The following BCL9 variants were observed in gnomAD, a reference collection of about 807,000 sequenced individuals.
BCL9 encodes BCL9 transcription coactivator.
A neutral mutation model predicts 88.5 loss-of-function variants in BCL9; 25 were observed. The ratio of observed to expected loss-of-function variants is 0.28; its 90% confidence interval spans 0.21 to 0.39. BCL9 has a LOEUF of 0.39. Ranked by LOEUF, BCL9 falls within the 10% of genes least tolerant of loss-of-function variation. The probability of loss-of-function intolerance (pLI) is 1.00; values close to 1 mark genes in which losing one functional copy is unlikely to be tolerated. For missense variants in BCL9, 1,817 were observed against 1,877.8 expected (o/e 0.97, Z 0.60); for synonymous variants, 711 against 673.3 (o/e 1.06, Z -0.87).
intron 1 of BCL9, among the ~76,000 whole-genome samples, chr1:147,592,458 G>C (rs960377334): frequency 3.3e-5 from 5 of 152,138 alleles, no homozygotes; most frequent in Admixed American, 6.5e-5. Context: ...CCTCAGTGCA[G>C]TTAGCAGTTA....
rs782551138 is a variant in BCL9, at chr1:147,626,129, G to A, written c.*1170G>A. On this transcript the variant is annotated 3_prime_UTR_variant, in exon 10 of 10. Coordinates refer to ENST00000234739, the MANE Select transcript of BCL9 (RefSeq NM_004326.4). Reference sequence around the variant, plus strand: ...TTCCTCCCCCTCCCATGCGTAAGACGTTCTGTGTAACCTCCATTAAATTTG... The same window carrying A: ...TTCCTCCCCCTCCCATGCGTAAGACATTCTGTGTAACCTCCATTAAATTTG... The A allele has an allele frequency of 9.5e-6, 2 of 210,294 alleles. No individual in the cohort carries two copies. Among genetic ancestry groups the A allele is most frequent in the Non-Finnish European group, 9.7e-6 (1 of 103,438 alleles). 13.0% of individuals were successfully genotyped at this position (210,294 alleles called of 1,614,324 possible). A position where few individuals can be genotyped will look rare whatever the true frequency, so the allele number is the denominator to read the frequency against.
intron 1 of BCL9, among the ~76,000 whole-genome samples, chr1:147,572,102 C>T (rs1291322908): frequency 6.7e-6 from 1 of 150,108 alleles, no homozygotes; most frequent in South Asian, 2.1e-4. Flanking sequence ...ATTAGCTGGA[C>T]GTGGTGGCGG....
chr1:147,575,192 G>T (rs1342285709), intron 1 of BCL9, among the ~76,000 whole-genome samples: 1 of 152,180 alleles, frequency 6.6e-6, no homozygotes, highest in Non-Finnish European at 1.5e-5. Context: ...AGGACCTGAA[G>T]ATGAGGGAGT....
At chr1:147,585,878 G>A (rs1437959200) in intron 1 of BCL9, among the ~76,000 whole-genome samples, 1 of 152,080 alleles carries the variant, frequency 6.6e-6, no homozygotes, top group Non-Finnish European at 1.5e-5. Context: ...GCTCCTAAGA[G>A]GAGAAGGGAC....
intron 1 of BCL9, among the ~76,000 whole-genome samples, chr1:147,573,898 A>G (rs1553197790): frequency 6.6e-6 from 1 of 152,136 alleles, no homozygotes; most frequent in African/African-American, 2.4e-5. Context: ...ATTATGCCAC[A>G]AAAGAGTAGC....
intron 1 of BCL9, among the ~76,000 whole-genome samples, chr1:147,561,366 A>G (rs782086778): frequency 6.6e-6 from 1 of 152,034 alleles, no homozygotes; most frequent in Non-Finnish European, 1.5e-5. Flanking sequence ...ATTTTCAGCA[A>G]CTCCCAAGTG....
rs1658529121 is a variant in BCL9 at position 147,620,052 on chromosome 1, C to A, written c.1897C>A (p.Gln633Lys). 1 of 1,614,180 alleles carries A rather than the reference C, an allele frequency of 6.2e-7. No homozygotes were observed. The highest frequency in any genetic ancestry group is 8.5e-7 in the Non-Finnish European group (1 of 1,180,032). The change falls in exon 8 of 10, where the codon CAG becomes AAG. Residue 633 changes from glutamine (Q) to lysine (K), a missense_variant. This residue lies in a region of BCL9 where 1,228 missense variants were observed against 1,191.6 expected (regional missense o/e 1.03). Transcript: ENST00000234739. The stretch of plus-strand genomic sequence containing the variant: ...CCAAGGATTGTCTGAAGAGATGTTT[C>A]AGCAGCAGCTGGCAGAGAAACAGCT... Reference protein sequence around the residue: ...NPQGLSEEMFQQQLAEKQLGL... With the variant: ...NPQGLSEEMFKQQLAEKQLGL...
At chr1:147,616,232 T>C (rs1180145274) in intron 7 of BCL9, among the ~76,000 whole-genome samples, 6 of 152,108 alleles carry the variant, frequency 3.9e-5, no homozygotes, top group Non-Finnish European at 8.8e-5. Context: ...TTTTTAAAAA[T>C]AACACTCTTG....
At chr1:147,586,776 A>C (rs782041038) in intron 1 of BCL9, among the ~76,000 whole-genome samples, 9 of 152,038 alleles carry the variant, frequency 5.9e-5, no homozygotes, top group Non-Finnish European at 1.0e-4. Context: ...CACCTGTAGA[A>C]ATTTTTCTCA....
intron 1 of BCL9, among the ~76,000 whole-genome samples, chr1:147,574,454 C>A (rs1656022202): frequency 6.6e-6 from 1 of 152,186 alleles, no homozygotes; most frequent in Admixed American, 6.5e-5. Flanking sequence ...CATCTGTGCA[C>A]CTCCATGTCA....
rs1553202655 is a variant in BCL9 at position 147,611,908 on chromosome 1, C to T, written c.53+19C>T. On this transcript the variant is annotated intron_variant, in intron 4 of 9. Coordinates refer to ENST00000234739, the MANE Select transcript of BCL9 (RefSeq NM_004326.4). ...CACAGAGGTAAGGGCTGGGCTGGGG[C>T]CTCTTCCTGCAGCCCCTTGGGGATG... 1 of 1,611,102 alleles carries T rather than the reference C, an allele frequency of 6.2e-7. No individual in the cohort carries two copies. The highest frequency in any genetic ancestry group is 1.7e-5 in the Admixed American group (1 of 60,000).
chr1:147,584,926 T>C (rs1656533538), intron 1 of BCL9, among the ~76,000 whole-genome samples: 1 of 151,786 alleles, frequency 6.6e-6, no homozygotes, highest in African/African-American at 2.4e-5. Context: ...ACCTCGGAGG[T>C]TGGAGGTTTT....
chr1:147,614,818 A>G (rs782807016), intron 6 of BCL9, among the ~76,000 whole-genome samples: 3 of 150,626 alleles, frequency 2.0e-5, no homozygotes, highest in Non-Finnish European at 2.9e-5. Context: ...TCGTGCTTGT[A>G]CAAATATACA....
At chr1:147,617,177 G>A (rs1553203975) in intron 7 of BCL9, among the ~76,000 whole-genome samples, 1 of 152,132 alleles carries the variant, frequency 6.6e-6, no homozygotes, top group East Asian at 1.9e-4. Context: ...TTATTGTCCT[G>A]GAATGAATAT....
chr1:147,571,513 C>T (rs1460251982), intron 1 of BCL9, among the ~76,000 whole-genome samples: 9 of 152,158 alleles, frequency 5.9e-5, no homozygotes, highest in Non-Finnish European at 1.0e-4. Flanking sequence ...GGGAGGAGCT[C>T]AATGAACTGG....
Position 147,624,522 on chromosome 1 carries a change from C to G in BCL9, c.3844C>G (p.Pro1282Ala), listed in dbSNP as rs1553206145. The G allele has an allele frequency of 1.2e-6, 2 of 1,614,150 alleles. No homozygotes were observed. Among genetic ancestry groups the G allele is most frequent in the East Asian group, 2.2e-5 (1 of 44,874 alleles). The part of the protein sequence containing the change: ...HMQGMMGEQA[P>A]RMGLALPGMG... ...GCAGGGGATGATGGGCGAACAAGCC[C>G]CCAGAATGGGACTAGCATTACCTGG... The change falls in exon 10 of 10, where the codon CCC (proline) becomes GCC (alanine). Residue 1282 changes from proline to alanine, a missense_variant. Coordinates refer to ENST00000234739, the MANE Select transcript of BCL9 (RefSeq NM_004326.4). The surrounding 1 kb of genome is among the most constrained non-coding windows in gnomAD (Gnocchi z 4.4).
chr1:147,604,365 G>A (rs782164765), intron 1 of BCL9, among the ~76,000 whole-genome samples: 2 of 152,180 alleles, frequency 1.3e-5, no homozygotes, highest in Non-Finnish European at 2.9e-5. Context: ...TTTAGGTTTT[G>A]CAGTATTTTT....
chr1:147,585,615 G>C (rs782808602), intron 1 of BCL9, among the ~76,000 whole-genome samples: 3 of 152,136 alleles, frequency 2.0e-5, no homozygotes, highest in Non-Finnish European at 4.4e-5. Flanking sequence ...CCTGTTGTTA[G>C]AGGCTATATA....
intron 1 of BCL9, among the ~76,000 whole-genome samples, chr1:147,567,899 G>T (rs926403272): frequency 2.6e-5 from 4 of 152,062 alleles, no homozygotes; most frequent in African/African-American, 2.4e-5. Flanking sequence ...TATTGCTGGC[G>T]ATCTATTTCA....
Sources: allele counts gnomAD v4.1 joint callset (sites outside exome capture counted in the v4.1 genomes callset), GRCh38; gene constraint gnomAD v4.1.1; regional missense constraint gnomAD v4.1.1; non-coding constraint Gnocchi (gnomAD v3.1); transcripts MANE v1.5; gene names NCBI Gene and HGNC (gene_info 2026-07-23, HGNC 2026-07-21).